The following DISP2 variants were observed in gnomAD, a reference collection of about 807,000 sequenced individuals.
The protein encoded by DISP2 is protein dispatched homolog 2.
Under a neutral mutation model 95.5 loss-of-function variants are expected in DISP2, and 59 were observed. The ratio of observed to expected loss-of-function variants is 0.62; its 90% CI spans 0.50 to 0.77. The LOEUF (loss-of-function observed/expected upper bound fraction) is 0.77. DISP2 is among the 30% of genes least tolerant of loss of function. The probability of loss-of-function intolerance (pLI) is 0.00; values close to 1 mark genes in which losing one functional copy is unlikely to be tolerated. For missense variants in DISP2, 1,752 were observed against 1,854.6 expected, an observed-to-expected ratio of 0.94 and a Z score of 1.02; for synonymous variants, 827 against 815.0, an observed-to-expected ratio of 1.01 and a Z score of -0.25.
Position 40,369,026 on chromosome 15 carries a change from T to C in DISP2, c.2914T>C (p.Leu972=). The C allele has an allele frequency of 6.2e-7, 1 of 1,614,024 alleles. No individual in the cohort carries two copies. The change falls in exon 8 of 8, where the codon TTG becomes CTG. Residue 972 remains leucine (L), a synonymous_variant. Transcript: ENST00000267889. The part of the protein sequence containing the change: ...TEPAVVLGLA[L]ALAFATLLLG... ...GCCTGCTGTGGTGCTGGGCCTGGCT[T>C]TGGCGCTGGCCTTTGCCACACTGCT...
At chr15:40,359,017 T>C (rs971976135) in intron 1 of DISP2, among the ~76,000 whole-genome samples, 1 of 152,302 alleles carries the variant, frequency 6.6e-6, no homozygotes, top group East Asian at 1.9e-4. Flanking sequence ...GCCGCTAAGA[T>C]GGGAAGGATT....
Position 40,358,221 on chromosome 15 carries a change from G to C in DISP2, c.-101G>C. The C allele has an allele frequency of 1.3e-6, 1 of 761,562 alleles. No homozygotes were observed. 47.2% of individuals were successfully genotyped at this position (761,562 alleles called of 1,614,324 possible). The stretch of plus-strand genomic sequence containing the variant: ...ACCGGCCCGCTCAGAGCCTACGCAT[G>C]CGCACGAGCACCCCGCCGCCGCTGC... On this transcript the variant is annotated 5_prime_UTR_variant, in exon 1 of 8. An upstream start codon of the reference 5' UTR is lost. Coordinates refer to ENST00000267889, the MANE Select transcript of DISP2 (RefSeq NM_033510.3).
chr15:40,366,606 C>G (rs1425497145), intron 7 of DISP2, among the ~76,000 whole-genome samples: 2 of 152,236 alleles, frequency 1.3e-5, no homozygotes, highest in East Asian at 3.8e-4. Context: ...AGAAACAGCC[C>G]TGGGCCTAAG....
chr15:40,362,663 C>T (rs1202269870), intron 1 of DISP2, among the ~76,000 whole-genome samples: 1 of 152,120 alleles, frequency 6.6e-6, no homozygotes, highest in Non-Finnish European at 1.5e-5. Flanking sequence ...GAGATTGAGA[C>T]CTGGTGGGTG....
intron 7 of DISP2, among the ~76,000 whole-genome samples, chr15:40,366,300 C>T (rs766673352): frequency 5.9e-5 from 9 of 152,218 alleles, no homozygotes; most frequent in Non-Finnish European, 1.3e-4. Context: ...TGTTTCTTAA[C>T]GTCTTAGTCC....
intron 2 of DISP2, 129 bp from the exon 3 acceptor site, chr15:40,364,097 G>A: frequency 4.0e-6 from 6 of 1,503,828 alleles, no homozygotes; most frequent in South Asian, 2.4e-5. Context: ...CTTGGGAGTG[G>A]CAAAGCGCTA....
rs752458754 is a variant in DISP2, at chr15:40,368,527, C to T, written c.2415C>T (p.Gly805=). Reference sequence around the variant, plus strand: ...GGGACCCTGCCTTCTCGGCCAGCGGCCCTGAGGCCCAGCGCTGGCTGCTGG... The same window carrying T: ...GGGACCCTGCCTTCTCGGCCAGCGGTCCTGAGGCCCAGCGCTGGCTGCTGG... ...LVRDPAFSAS[G]PEAQRWLLAL... Residue 805 remains glycine, a synonymous_variant, in exon 8 of 8, where the codon GGC becomes GGT. Transcript: ENST00000267889. 1.9e-6 allele frequency: 3 copies of T among 1,605,674 alleles called. No individual in the cohort carries two copies. Among genetic ancestry groups the T allele is most frequent in the Admixed American group, 3.3e-5 (2 of 60,026 alleles).
In DISP2 at chr15:40,364,862, A is replaced by G; in HGVS notation, c.628A>G (p.Ile210Val). The G allele has an allele frequency of 6.2e-7, 1 of 1,614,126 alleles. No individual in the cohort carries two copies. Among genetic ancestry groups the G allele is most frequent in the Non-Finnish European group, 8.5e-7 (1 of 1,179,982 alleles). The part of the protein sequence containing the change: ...LLGFEPRDTD[I>V]GSKLVVWRAL... Reference sequence around the variant, plus strand: ...GGGCTTTGAGCCACGGGACACAGACATTGGGAGCAAGTTAGTGGTCTGGAG... The same window carrying G: ...GGGCTTTGAGCCACGGGACACAGACGTTGGGAGCAAGTTAGTGGTCTGGAG... Residue 210 changes from isoleucine (I) to valine (V), a missense_variant, in exon 5 of 8, where the codon ATT becomes GTT. By Grantham distance (29) the Ile-to-Val change is conservative. Coordinates refer to ENST00000267889, the MANE Select transcript of DISP2 (RefSeq NM_033510.3).
intron 7 of DISP2, among the ~76,000 whole-genome samples, chr15:40,365,946 G>C (rs1041632556): frequency 6.6e-6 from 1 of 152,336 alleles, no homozygotes; most frequent in Admixed American, 6.5e-5. Flanking sequence ...TGCTGGAAGC[G>C]AGCCCATGCA....
At chr15:40,366,128 T>C (rs1302165825) in intron 7 of DISP2, among the ~76,000 whole-genome samples, 1 of 152,206 alleles carries the variant, frequency 6.6e-6, no homozygotes, top group Non-Finnish European at 1.5e-5. Context: ...TGAAGAAAGG[T>C]TTGCTGCTGA....
intron 7 of DISP2, among the ~76,000 whole-genome samples, chr15:40,365,930 T>C (rs568153042): frequency 1.6e-3 from 247 of 152,230 alleles, no homozygotes; most frequent in Non-Finnish European, 6.6e-4. Context: ...AGAGCCAAGA[T>C]AGAAGTGCTG....
chr15:40,363,399 G>A (rs1435729196), intron 1 of DISP2, among the ~76,000 whole-genome samples: 1 of 152,056 alleles, frequency 6.6e-6, no homozygotes, highest in Admixed American at 6.5e-5. Context: ...ATTGTTTTTT[G>A]AGAGTGTGGA....
Position 40,368,065 on chromosome 15 carries a change from C to G in DISP2, c.1953C>G (p.Gly651=). 3 of 1,458,072 alleles carry G rather than the reference C, an allele frequency of 2.1e-6. No homozygotes were observed. Among genetic ancestry groups the G allele is most frequent in the Non-Finnish European group, 2.7e-6 (3 of 1,114,128 alleles). 90.3% of individuals were successfully genotyped at this position (1,458,072 alleles called of 1,614,324 possible). The change falls in exon 8 of 8, where the codon GGC becomes GGG. Residue 651 remains glycine (G), a synonymous_variant. Coordinates refer to ENST00000267889, the MANE Select transcript of DISP2 (RefSeq NM_033510.3). ...AVLHERYLAR[G]CARRARGRWE... is the part of the protein sequence containing the mutation. ...TCCACGAGCGCTACCTGGCGCGCGG[C>G]TGTGCGCGCCGGGCGCGGGGCCGGT... is the stretch of plus-strand genomic sequence containing the variant.
chr15:40,368,491 C>T lies in DISP2; in HGVS notation c.2379C>T (p.Ser793=), dbSNP rs1323906186. 6.2e-7 allele frequency: 1 copy of T among 1,608,318 alleles called. No homozygotes were observed. Among genetic ancestry groups the T allele is most frequent in the African/African-American group, 1.3e-5 (1 of 74,944 alleles). The change falls in exon 8 of 8, where the codon AGC becomes AGT. Residue 793 remains serine (S), a synonymous_variant. Coordinates refer to ENST00000267889, the MANE Select transcript of DISP2 (RefSeq NM_033510.3). ...ACCCTCTGGACCCTCGTAGCAACAG[C>T]AGCCTGGTGAGGGACCCTGCCTTCT... The part of the protein sequence containing the change: ...TGDPLDPRSN[S]SLVRDPAFSA...
chr15:40,361,001 A>G (rs1348620989), intron 1 of DISP2, among the ~76,000 whole-genome samples: 19 of 152,230 alleles, frequency 1.2e-4, no homozygotes, highest in Non-Finnish European at 4.4e-5. Flanking sequence ...ACTTACACAC[A>G]CAACCTAGGC....
Position 40,367,339 on chromosome 15 carries a change from C to A in DISP2, c.1227C>A (p.Tyr409Ter), listed in dbSNP as rs1336234295. Residue 409 changes from tyrosine (Y) to a stop codon, truncating the protein, a stop_gained, in exon 8 of 8, where the codon TAC becomes TAA. Transcript: ENST00000267889. LOFTEE classifies it high-confidence loss of function. Reference sequence around the variant, plus strand: ...AGTGCTCCCAGAGTAGTGCCATCTACCAACTCCTGCACTTTCTGCTTGACA... The same window carrying A: ...AGTGCTCCCAGAGTAGTGCCATCTAACAACTCCTGCACTTTCTGCTTGACA... ...PTKCSQSSAI[Y>*]QLLHFLLDRD... The A allele has an allele frequency of 6.2e-7, 1 of 1,613,556 alleles. No individual in the cohort carries two copies. The highest frequency in any genetic ancestry group is 8.5e-7 in the Non-Finnish European group (1 of 1,179,936).
At position 40,365,240 on chromosome 15, in the gene DISP2, C is replaced by T. The variant is rs1320092563; in HGVS notation, c.813C>T (p.Asp271=). 6.2e-7 allele frequency: 1 copy of T among 1,614,062 alleles called. No homozygotes were observed. Among genetic ancestry groups the T allele is most frequent in the East Asian group, 2.2e-5 (1 of 44,890 alleles). Residue 271 remains aspartate (D), a synonymous_variant, in exon 6 of 8, where the codon GAC becomes GAT. Coordinates refer to ENST00000267889, the MANE Select transcript of DISP2 (RefSeq NM_033510.3). Reference sequence around the variant, plus strand: ...GGAGAATGGTGGAGCCCCTGGAGGACAGAAGGCAAGAGAACTTCTTCTGTG... The same window carrying T: ...GGAGAATGGTGGAGCCCCTGGAGGATAGAAGGCAAGAGAACTTCTTCTGTG... ...RPRRMVEPLE[D]RRQENFFCGP... is the part of the protein sequence containing the mutation.
In DISP2 at chr15:40,365,266, G is replaced by GC; in HGVS notation, c.845dup (p.Glu283Ter). On this transcript the variant is annotated frameshift_variant, in exon 6 of 8. Transcript: ENST00000267889. LOFTEE classifies it high-confidence loss of function. Reference sequence around the variant, plus strand: ...AGAAGGCAAGAGAACTTCTTCTGTGGCCCCCCTGGTAAGCTGCAGCCTGGC... The same window carrying GC: ...AGAAGGCAAGAGAACTTCTTCTGTGGCCCCCCCTGGTAAGCTGCAGCCTGGC... 6.2e-7 allele frequency: 1 copy of GC among 1,613,718 alleles called. No homozygotes were observed.
Position 40,374,014 on chromosome 15 carries a change from A to AATATATATATATATATATATAT in DISP2, c.*3714_*3715insATATATATATATATATATATAT, listed in dbSNP as rs1555400589. The AATATATATATATATATATATAT allele has an allele frequency of 9.6e-6, 1 of 104,162 alleles. No homozygotes were observed. Among genetic ancestry groups the AATATATATATATATATATATAT allele is most frequent in the African/African-American group, 4.2e-5 (1 of 23,960 alleles). 6.5% of individuals were successfully genotyped at this position (104,162 alleles called of 1,614,324 possible). A position where few individuals can be genotyped will look rare whatever the true frequency, so the allele number is the denominator to read the frequency against. ...GCGAGACTCCATCTTAAAAAAAAAAAATATATATATATATATATGTAAACT... is the reference window on the plus strand; with the variant it reads ...GCGAGACTCCATCTTAAAAAAAAAAAATATATATATATATATATATATATATATATATATATATATGTAAACT... On this transcript the variant is annotated 3_prime_UTR_variant, in exon 8 of 8. Transcript: ENST00000267889.
Sources: gnomAD v4.1 joint callset for allele counts (sites outside exome capture counted in the v4.1 genomes callset) on GRCh38, gnomAD v4.1.1 for gene constraint, MANE v1.5 for transcripts, NCBI Gene and HGNC (gene_info 2026-07-23, HGNC 2026-07-21) for gene names.